Variants in LRRC4C observed in about 807,000 individuals in gnomAD.
The protein encoded by LRRC4C is leucine rich repeat containing 4C, also known as leucine-rich repeat-containing protein 4C.
A neutral mutation model predicts 33.6 loss-of-function variants in LRRC4C; 5 were observed. That is an observed-to-expected ratio of 0.15 (90% CI 0.08 to 0.31). The LOEUF is 0.31. Ranked by LOEUF, LRRC4C falls within the 10% of genes least tolerant of loss-of-function variation. The pLI is 1.00. For synonymous variants in LRRC4C, 329 were observed against 302.0 expected (o/e 1.09, Z -0.93); for missense variants, 560 against 796.7 (o/e 0.70, Z 3.58).
At chr11:41,347,311 A>G (rs1414173765) in intron 1 of LRRC4C, among the ~76,000 whole-genome samples, 4 of 152,142 alleles carry the variant, frequency 2.6e-5, no homozygotes, top group Non-Finnish European at 5.9e-5. Flanking sequence ...ACTGAACTAT[A>G]GTGTTCATTT....
At chr11:40,857,969 G>T (rs1953874252) in intron 2 of LRRC4C, among the ~76,000 whole-genome samples, 1 of 73,752 alleles carries the variant, frequency 1.4e-5, no homozygotes, top group African/African-American at 3.2e-5. Context: ...GAAAGGGAAA[G>T]GGAAAGGGAA....
At chr11:40,511,129 C>T (rs1173953637) in intron 3 of LRRC4C, among the ~76,000 whole-genome samples, 1 of 152,120 alleles carries the variant, frequency 6.6e-6, no homozygotes, top group Non-Finnish European at 1.5e-5. Flanking sequence ...CATCTTACCA[C>T]AGCAACCTCA....
intron 3 of LRRC4C, among the ~76,000 whole-genome samples, chr11:40,560,051 A>AT (rs1957487925): frequency 6.6e-6 from 1 of 152,156 alleles, no homozygotes; most frequent in Non-Finnish European, 1.5e-5. Flanking sequence ...TTAAGAGCCC[A>AT]TTTTATTTTA....
intron 1 of LRRC4C, among the ~76,000 whole-genome samples, chr11:41,372,139 C>T (rs1037307137): frequency 2.0e-5 from 3 of 152,124 alleles, no homozygotes; most frequent in Non-Finnish European, 4.4e-5. Flanking sequence ...AGCGAGACTC[C>T]GTCTCAATAA....
chr11:40,916,912 A>G (rs1389684298), intron 2 of LRRC4C, among the ~76,000 whole-genome samples: 1 of 152,090 alleles, frequency 6.6e-6, no homozygotes, highest in Non-Finnish European at 1.5e-5. Context: ...ATGCAATTGC[A>G]ATAGACAAAA....
intron 1 of LRRC4C, among the ~76,000 whole-genome samples, chr11:41,429,244 A>C (rs1161173849): frequency 6.6e-6 from 1 of 152,150 alleles, no homozygotes; most frequent in African/African-American, 2.4e-5. Context: ...CATGATTGTA[A>C]GTTTCCTGAG....
chr11:41,284,096 A>G (rs574318832), intron 1 of LRRC4C, among the ~76,000 whole-genome samples: 8 of 152,230 alleles, frequency 5.3e-5, no homozygotes, highest in Non-Finnish European at 1.0e-4. Flanking sequence ...TTAATAATAT[A>G]ACTTTCACAT....
chr11:40,255,096 C>T (rs1037413), intron 4 of LRRC4C, among the ~76,000 whole-genome samples: 109,389 of 151,962 alleles, frequency 0.72, 41,568 homozygotes, highest in East Asian at 0.92. Context: ...TCACCGCACC[C>T]GGCCCTAAAA....
chr11:40,217,950 A>G (rs1864095393), intron 5 of LRRC4C, among the ~76,000 whole-genome samples: 1 of 152,186 alleles, frequency 6.6e-6, no homozygotes, highest in South Asian at 2.1e-4. Context: ...GGGCATTATA[A>G]TATCCCTGCA....
intron 5 of LRRC4C, among the ~76,000 whole-genome samples, chr11:40,162,309 TC>T (rs561076255): frequency 5.3e-5 from 8 of 152,324 alleles, no homozygotes; most frequent in African/African-American, 1.9e-4. Flanking sequence ...TTGGCATTTT[TC>T]TTTGGTGCAA....
chr11:40,879,529 C>T (rs972797636), intron 2 of LRRC4C, among the ~76,000 whole-genome samples: 3 of 152,098 alleles, frequency 2.0e-5, no homozygotes, highest in East Asian at 1.9e-4. Context: ...ACTCTGTCCT[C>T]GAAGAGCTCA....
intron 3 of LRRC4C, among the ~76,000 whole-genome samples, chr11:40,358,942 C>T (rs1947815500): frequency 6.6e-6 from 1 of 151,910 alleles, no homozygotes; most frequent in Non-Finnish European, 1.5e-5. Context: ...GATTCCCATG[C>T]TTATTCTTCT....
intron 4 of LRRC4C, among the ~76,000 whole-genome samples, chr11:40,273,836 TG>T (rs1166222846): frequency 3.3e-5 from 5 of 152,142 alleles, no homozygotes; most frequent in African/African-American, 1.2e-4. Flanking sequence ...ATATGACTTT[TG>T]CTGAACACTA....
chr11:40,886,289 GC>G (rs201185831), intron 2 of LRRC4C, among the ~76,000 whole-genome samples: 1,896 of 151,966 alleles, frequency 0.012, 11 homozygotes, highest in Non-Finnish European at 0.021. Context: ...CAGTTAAGTA[GC>G]TTTGGCTAAA....
intron 1 of LRRC4C, among the ~76,000 whole-genome samples, chr11:41,407,319 T>C (rs1954281199): frequency 6.6e-6 from 1 of 150,770 alleles, no homozygotes; most frequent in South Asian, 2.1e-4. Context: ...TTTTTTTTTT[T>C]GAGACAGGGT....
intron 3 of LRRC4C, among the ~76,000 whole-genome samples, chr11:40,596,620 C>G (rs1035861789): frequency 1.3e-4 from 19 of 151,902 alleles, no homozygotes; most frequent in African/African-American, 4.6e-4. Context: ...ACTCCCCTTC[C>G]CAGCTTCTGG....
chr11:40,851,586 T>C (rs1304002925), intron 2 of LRRC4C, among the ~76,000 whole-genome samples: 1 of 151,986 alleles, frequency 6.6e-6, no homozygotes, highest in East Asian at 1.9e-4. Context: ...TATTTGGCCA[T>C]CTTGCTCAGG....
At chr11:41,044,723 T>C (rs1202762083) in intron 1 of LRRC4C, among the ~76,000 whole-genome samples, 2 of 152,054 alleles carry the variant, frequency 1.3e-5, no homozygotes, top group African/African-American at 4.8e-5. Flanking sequence ...TGTGATATAC[T>C]AGTGGAGAAA....
At chr11:40,684,624 C>CA (rs1342754017) in intron 2 of LRRC4C, among the ~76,000 whole-genome samples, 1 of 149,332 alleles carries the variant, frequency 6.7e-6, no homozygotes, top group Non-Finnish European at 1.5e-5. Flanking sequence ...TTAAGGAATG[C>CA]AAAAAAAGTA....
Sources: gnomAD v4.1 joint callset for allele counts (sites outside exome capture counted in the v4.1 genomes callset) on GRCh38, gnomAD v4.1.1 for gene constraint, MANE v1.5 for transcripts, NCBI Gene and HGNC (gene_info 2026-07-23, HGNC 2026-07-21) for gene names.